ELMOD1: variants seen among roughly 807,000 people sequenced by gnomAD.
The protein encoded by ELMOD1 is ELMO domain-containing protein 1.
ELMOD1 carries 21 observed loss-of-function variants against 46.7 expected under a neutral mutation model. The observed-to-expected ratio is 0.45, with a 90% CI of 0.32 to 0.65. The LOEUF is 0.65. Ranked by LOEUF, ELMOD1 falls within the 30% of genes least tolerant of loss-of-function variation. ELMOD1 has a pLI of 0.04. For missense variants in ELMOD1, 348 were observed against 407.8 expected, an observed-to-expected ratio of 0.85 and a Z score of 1.26; for synonymous variants, 122 against 138.2, an observed-to-expected ratio of 0.88 and a Z score of 0.82.
At chr11:107,626,825 C>A (rs1866052308) in intron 2 of ELMOD1, among the ~76,000 whole-genome samples, 2 of 152,074 alleles carry the variant, frequency 1.3e-5, no homozygotes, top group African/African-American at 4.8e-5. Flanking sequence ...GCAGTTTTTT[C>A]CATAAACTTT....
intron 6 of ELMOD1, 115 bp downstream of exon 6, chr11:107,635,880 G>A (rs991233540): frequency 1.5e-5 from 16 of 1,084,678 alleles, no homozygotes; most frequent in Admixed American, 1.4e-4. Flanking sequence ...GATCAGACAC[G>A]GGCACCTAAC....
chr11:107,633,104 C>A (rs1449273369), intron 5 of ELMOD1, among the ~76,000 whole-genome samples: 2 of 152,116 alleles, frequency 1.3e-5, no homozygotes, highest in Non-Finnish European at 2.9e-5. Flanking sequence ...GTCCCATCCC[C>A]AAGGTATCTC....
At chr11:107,635,231 T>A (rs1866208061) in intron 5 of ELMOD1, among the ~76,000 whole-genome samples, 1 of 152,174 alleles carries the variant, frequency 6.6e-6, no homozygotes, top group African/African-American at 2.4e-5. Flanking sequence ...AGCCCAGTAT[T>A]ACCTATAATT....
intron 11 of ELMOD1, among the ~76,000 whole-genome samples, chr11:107,657,058 C>A (rs898880921): frequency 6.6e-6 from 1 of 151,230 alleles, no homozygotes; most frequent in Non-Finnish European, 1.5e-5. Flanking sequence ...GTTTTCATAC[C>A]CAAAGTAATA....
In ELMOD1 at chr11:107,655,994, G is replaced by A. The variant is rs776468552; in HGVS notation, c.760G>A (p.Gly254Arg). The change falls in exon 11 of 12, where the codon GGA becomes AGA. Residue 254 changes from glycine (G) to arginine (R), a missense_variant. Transcript: ENST00000265840. ...CCTGGCATATAATCTACTGGTCAGC[G>A]GAGCTCTAAAAACCCATTTCTACAA... ...TDLAYNLLVS[G>R]ALKTHFYNIA... The A allele has an allele frequency of 1.4e-5, 22 of 1,586,726 alleles. 1 individual carries two copies. The highest frequency in any genetic ancestry group is 9.1e-5 in the South Asian group (8 of 87,466).
At chr11:107,653,762 T>C (rs1377398468) in intron 9 of ELMOD1, 1 of 151,142 alleles carries the variant, frequency 6.6e-6, no homozygotes, top group East Asian at 1.9e-4. Context: ...ATAATAATAT[T>C]ATTTATTATA....
chr11:107,615,872 A>G (rs7943671), intron 1 of ELMOD1, among the ~76,000 whole-genome samples: 83,569 of 150,610 alleles, frequency 0.55, 23,667 homozygotes, highest in East Asian at 0.8. Context: ...TGTTTGGGGG[A>G]GTAAAGTGCC....
chr11:107,614,899 T>C (rs1009780310), intron 1 of ELMOD1, among the ~76,000 whole-genome samples: 31 of 152,190 alleles, frequency 2.0e-4, no homozygotes, highest in Non-Finnish European at 1.6e-4. Context: ...TTGCATGTGC[T>C]ATCTGGAGAA....
intron 1 of ELMOD1, among the ~76,000 whole-genome samples, chr11:107,593,609 G>A (rs1380057078): frequency 1.3e-5 from 2 of 152,202 alleles, no homozygotes; most frequent in Admixed American, 1.3e-4. Context: ...CGAGTCCTCT[G>A]AGAATTTTTA....
intron 6 of ELMOD1, among the ~76,000 whole-genome samples, chr11:107,639,170 A>G (rs536497687): frequency 1.3e-5 from 2 of 152,134 alleles, no homozygotes; most frequent in South Asian, 4.2e-4. Flanking sequence ...AATAATAATA[A>G]TTAAATTAAG....
intron 1 of ELMOD1, among the ~76,000 whole-genome samples, chr11:107,608,770 G>A (rs928824068): frequency 2.6e-5 from 4 of 152,084 alleles, no homozygotes; most frequent in African/African-American, 9.7e-5. Flanking sequence ...TCAGTGGCAG[G>A]GTAACTGTTT....
chr11:107,625,436 A>T (rs1380928815), intron 2 of ELMOD1: 15 of 984,990 alleles, frequency 1.5e-5, no homozygotes, highest in Non-Finnish European at 1.8e-5. Flanking sequence ...TAGCACATTC[A>T]TTGAAACTGT....
intron 1 of ELMOD1, chr11:107,591,921 C>G (rs539615281): frequency 4.0e-6 from 2 of 505,140 alleles, no homozygotes; most frequent in African/African-American, 3.9e-5. Context: ...GAGGAGCGGT[C>G]GGCTGGGCTG....
rs1006311628 is a variant in ELMOD1, at chr11:107,636,254, A to T, written c.420+489A>T. On this transcript the variant is annotated intron_variant, in intron 6 of 11. Transcript: ENST00000265840. ...TTAGTATTAGAAGAGGTAAAGGTTT[A>T]TATTTGGCACACTAGAACTTCTGGA... Among the ~76,000 whole-genome samples the T allele has an allele frequency of 3.2e-4, 49 of 152,206 alleles. 1 individual carries two copies. Among genetic ancestry groups the T allele is most frequent in the Non-Finnish European group, 2.9e-5 (2 of 68,042 alleles).
rs1303471312 is a variant in ELMOD1, at chr11:107,635,688, C to G, written c.343C>G (p.Leu115Val). The G allele has an allele frequency of 6.2e-7, 1 of 1,613,762 alleles. No homozygotes were observed. The highest frequency in any genetic ancestry group is 8.5e-7 in the Non-Finnish European group (1 of 1,179,852). Residue 115 changes from leucine (L) to valine (V), a missense_variant, in exon 6 of 12, where the codon CTT becomes GTT. Physicochemically the swap from Leu to Val is conservative, Grantham distance 32. Coordinates refer to ENST00000265840, the MANE Select transcript of ELMOD1 (RefSeq NM_018712.4). ...TCTGCAAATCGTTGGGTACAGGAAC[C>G]TTATTGCAGATGTGGAAAAACTGCG... ...CLLQIVGYRN[L>V]IADVEKLRRE...
intron 7 of ELMOD1, among the ~76,000 whole-genome samples, 196 bp from the exon 8 acceptor site, chr11:107,650,139 A>G (rs1222985850): frequency 6.6e-6 from 1 of 152,252 alleles, no homozygotes; most frequent in Non-Finnish European, 1.5e-5. Context: ...TGTGTTTCAC[A>G]GCTACCCTAC....
chr11:107,603,961 G>A (rs2135656141), intron 1 of ELMOD1, among the ~76,000 whole-genome samples: 1 of 152,170 alleles, frequency 6.6e-6, no homozygotes, highest in African/African-American at 2.4e-5. Flanking sequence ...TGGAAAACCA[G>A]GAGAACATGA....
intron 1 of ELMOD1, among the ~76,000 whole-genome samples, chr11:107,602,927 T>C (rs961657593): frequency 5.3e-5 from 8 of 152,172 alleles, no homozygotes; most frequent in Non-Finnish European, 7.3e-5. Context: ...GAGAGCTATA[T>C]GTGTCTCTGG....
At position 107,615,229 on chromosome 11, in the gene ELMOD1, C is replaced by CTTTTTT. The variant is rs34461488; in HGVS notation, c.-85-2856_-85-2851dup. Among the ~76,000 whole-genome samples the CTTTTTT allele has an allele frequency of 1.7e-3, 134 of 81,142 alleles. 7 individuals are homozygous for CTTTTTT. The highest frequency in any genetic ancestry group is 2.7e-3 in the Admixed American group (14 of 5,096). 53.2% of individuals were successfully genotyped at this position (81,142 alleles called of 152,430 possible). A position where few individuals can be genotyped will look rare whatever the true frequency, so the allele number is the denominator to read the frequency against. On this transcript the variant is annotated intron_variant, in intron 1 of 11. Transcript: ENST00000265840. ...TTATACTTTCCCCTGTTGTCAGCAT[C>CTTTTTT]TTTTTTTTTTTTTTTTTTTTTTTTT...
Sources: gnomAD v4.1 joint callset for allele counts (sites outside exome capture counted in the v4.1 genomes callset) on GRCh38, gnomAD v4.1.1 for gene constraint, MANE v1.5 for transcripts, NCBI Gene and HGNC (gene_info 2026-07-23, HGNC 2026-07-21) for gene names.